Variants in GIPC1 observed in about 807,000 individuals in gnomAD.
GIPC1 encodes PDZ domain-containing protein GIPC1.
A neutral mutation model predicts 28.5 loss-of-function variants in GIPC1; 15 were observed. That is an observed-to-expected ratio of 0.53 (90% confidence interval 0.35 to 0.81). The LOEUF is 0.81. Ranked by LOEUF, GIPC1 falls within the 30% of genes least tolerant of loss-of-function variation. The pLI, the probability that GIPC1 is intolerant of heterozygous loss-of-function variation, is 0.01. For missense variants in GIPC1, 439 were observed against 481.9 expected (o/e 0.91, Z 0.83); for synonymous variants, 224 against 206.1 (o/e 1.09, Z -0.74).
chr19:14,493,340 A>C (rs189505670), intron 1 of GIPC1, among the ~76,000 whole-genome samples: 22 of 152,340 alleles, frequency 1.4e-4, no homozygotes, highest in East Asian at 1.3e-3. Context: ...GAAAAACTGC[A>C]ATCTCCTTAC....
At chr19:14,493,765 T>C (rs574876629) in intron 1 of GIPC1, among the ~76,000 whole-genome samples, 2 of 151,622 alleles carry the variant, frequency 1.3e-5, no homozygotes, top group Non-Finnish European at 2.9e-5. Flanking sequence ...GTTCAAGCGA[T>C]TCTCTCCTGC....
At chr19:14,480,058 G>A in intron 6 of GIPC1, 1 of 588,900 alleles carries the variant, frequency 1.7e-6, no homozygotes, top group South Asian at 2.0e-5. Context: ...AGGGCGCTTG[G>A]CTGGGCTAAT....
intron 1 of GIPC1, among the ~76,000 whole-genome samples, chr19:14,494,669 G>A (rs972517082): frequency 2.0e-5 from 3 of 152,156 alleles, no homozygotes; most frequent in Admixed American, 2.0e-4. Context: ...CTGAGTGAAT[G>A]AATGTGTCTC....
At position 14,480,464 on chromosome 19, in the gene GIPC1, T is replaced by C. The variant is rs2071702344; in HGVS notation, c.496A>G (p.Ile166Val). 6.2e-7 allele frequency: 1 copy of C among 1,612,878 alleles called. No homozygotes were observed. The highest frequency in any genetic ancestry group is 8.5e-7 in the Non-Finnish European group (1 of 1,179,364). Residue 166 changes from isoleucine to valine, a missense_variant, in exon 6 of 9, where the codon ATC (isoleucine) becomes GTC (valine). Physicochemically the swap from Ile to Val is conservative, Grantham distance 29. Coordinates refer to ENST00000393033, the MANE Select transcript of GIPC1 (RefSeq NM_005716.4). Reference sequence around the variant, plus strand: ...ACGCTGATGAGGTGGATGTGGTCGATCACGCTGCCCTCCTTGATGCGCTGC... The same window carrying C: ...ACGCTGATGAGGTGGATGTGGTCGACCACGCTGCCCTCCTTGATGCGCTGC... ...FIKRIKEGSVIDHIHLISVGD... is the reference protein window; with the variant it reads ...FIKRIKEGSVVDHIHLISVGD...
chr19:14,480,422 C>T lies in GIPC1; in HGVS notation c.538G>A (p.Ala180Thr), dbSNP rs757549449. 2 of 1,613,698 alleles carry T rather than the reference C, an allele frequency of 1.2e-6. No homozygotes were observed. Among genetic ancestry groups the T allele is most frequent in the Non-Finnish European group, 1.7e-6 (2 of 1,179,912 alleles). ...CCCAGCAGGCTCTGCCCGTTAATGG[C>T]CTCGATCATGTCGCCCACGCTGATG... ...HLISVGDMIE[A>T]INGQSLLGCR... Residue 180 changes from alanine (A) to threonine (T), a missense_variant, in exon 6 of 9, where the codon GCC (alanine) becomes ACC (threonine). Coordinates refer to ENST00000393033, the MANE Select transcript of GIPC1 (RefSeq NM_005716.4).
At chr19:14,485,315 T>C (rs1007114656) in intron 3 of GIPC1, among the ~76,000 whole-genome samples, 50 of 151,686 alleles carry the variant, frequency 3.3e-4, no homozygotes, top group Non-Finnish European at 5.7e-4. Flanking sequence ...CCCAAGTGGC[T>C]AGAACTACAG....
chr19:14,486,627 T>C (rs371260315), intron 3 of GIPC1, among the ~76,000 whole-genome samples: 24 of 152,118 alleles, frequency 1.6e-4, no homozygotes, highest in Non-Finnish European at 2.9e-5. Context: ...AGCAAATCTT[T>C]GCTGAATTCA....
In GIPC1 at chr19:14,480,288, AGG is replaced by A; in HGVS notation, c.655+15_655+16del. 6.2e-7 allele frequency: 1 copy of A among 1,603,472 alleles called. No homozygotes were observed. Among genetic ancestry groups the A allele is most frequent in the Non-Finnish European group, 8.5e-7 (1 of 1,174,330 alleles). ...GCGAGCAGCGCCACTGGGGAGGTCC[AGG>A]GGGCGGCTCCTCACCGAAGGCCTTG... On this transcript the variant is annotated intron_variant, in intron 6 of 8. Coordinates refer to ENST00000393033, the MANE Select transcript of GIPC1 (RefSeq NM_005716.4).
intron 2 of GIPC1, among the ~76,000 whole-genome samples, chr19:14,492,184 T>G (rs775119222): frequency 6.6e-6 from 1 of 152,216 alleles, no homozygotes; most frequent in Non-Finnish European, 1.5e-5. Context: ...TCTTAATAGC[T>G]GTGTGACTTT....
At position 14,477,782 on chromosome 19, in the gene GIPC1, T is replaced by C. The variant is rs996660715; in HGVS notation, c.*634A>G. The C allele has an allele frequency of 6.6e-6, 1 of 152,588 alleles. No individual in the cohort carries two copies. The highest frequency in any genetic ancestry group is 6.5e-5 in the Admixed American group (1 of 15,284). The allele number at this position is 152,588 out of a possible 1,614,324, so 9.5% of individuals were successfully genotyped here. A position where few individuals can be genotyped will look rare whatever the true frequency, so the allele number is the denominator to read the frequency against. ...GGTCCAACAGCAGATAGATTCTTTA[T>C]GTTCAAGACAGCAAATTCAGATACA... On this transcript the variant is annotated 3_prime_UTR_variant, in exon 9 of 9. Transcript: ENST00000393033.
chr19:14,492,825 G>C (rs974954449), intron 2 of GIPC1, 32 bp downstream of exon 2: 1 of 152,318 alleles, frequency 6.6e-6, no homozygotes, highest in Non-Finnish European at 1.5e-5. Flanking sequence ...AGGCTTCGTG[G>C]CCTGGGTTCA....
At chr19:14,489,169 C>T (rs1018872069) in intron 3 of GIPC1, among the ~76,000 whole-genome samples, 10 of 152,114 alleles carry the variant, frequency 6.6e-5, no homozygotes, top group African/African-American at 2.2e-4. Flanking sequence ...GCAATCCTCC[C>T]GCCTTGGCCT....
chr19:14,482,172 G>A (rs1251293008), intron 4 of GIPC1: 9 of 172,048 alleles, frequency 5.2e-5, no homozygotes, highest in East Asian at 1.8e-4. Flanking sequence ...GCCTCCCAAC[G>A]CCTGATGGGA....
Position 14,482,221 on chromosome 19 carries a change from G to A in GIPC1, c.288+468C>T, listed in dbSNP as rs2071743876. On this transcript the variant is annotated intron_variant, in intron 4 of 8. Coordinates refer to ENST00000393033, the MANE Select transcript of GIPC1 (RefSeq NM_005716.4). The stretch of plus-strand genomic sequence containing the variant: ...CCCTGGTCGTCAGTTTTGCACAATC[G>A]ACTGGGATGCAGGCCTCTCAATCCA... 7 of 187,764 alleles carry A rather than the reference G, an allele frequency of 3.7e-5. No homozygotes were observed. In the South Asian group the frequency reaches 4.3e-4, roughly 11 times the overall value. 11.6% of individuals were successfully genotyped at this position (187,764 alleles called of 1,614,324 possible).
At chr19:14,485,734 G>GAC (rs1334892206) in intron 3 of GIPC1, among the ~76,000 whole-genome samples, 92 of 145,164 alleles carry the variant, frequency 6.3e-4, no homozygotes, top group African/African-American at 2.0e-3. Context: ...GAGAGAGAGA[G>GAC]AGAGAGACAG....
chr19:14,480,424 T>C lies in GIPC1; in HGVS notation c.536A>G (p.Glu179Gly). 1 of 1,613,822 alleles carries C rather than the reference T, an allele frequency of 6.2e-7. No homozygotes were observed. The highest frequency in any genetic ancestry group is 8.5e-7 in the Non-Finnish European group (1 of 1,179,888). The change falls in exon 6 of 9, where the codon GAG becomes GGG. Residue 179 changes from glutamate to glycine, a missense_variant. Coordinates refer to ENST00000393033, the MANE Select transcript of GIPC1 (RefSeq NM_005716.4). ...CAGCAGGCTCTGCCCGTTAATGGCC[T>C]CGATCATGTCGCCCACGCTGATGAG... Reference protein sequence around the residue: ...IHLISVGDMIEAINGQSLLGC... With the variant: ...IHLISVGDMIGAINGQSLLGC...
chr19:14,480,421 G>A lies in GIPC1; in HGVS notation c.539C>T (p.Ala180Val). The A allele has an allele frequency of 6.2e-7, 1 of 1,613,752 alleles. No individual in the cohort carries two copies. The change falls in exon 6 of 9, where the codon GCC (alanine) becomes GTC (valine). Residue 180 changes from alanine to valine, a missense_variant. Ala to Val is a moderately conservative substitution (Grantham distance 64). Coordinates refer to ENST00000393033, the MANE Select transcript of GIPC1 (RefSeq NM_005716.4). ...HLISVGDMIE[A>V]INGQSLLGCR... ...GCCCAGCAGGCTCTGCCCGTTAATG[G>A]CCTCGATCATGTCGCCCACGCTGAT...
rs1456921053 is a variant in GIPC1 at position 14,482,707 on chromosome 19, G to A, written c.270C>T (p.Phe90=). The part of the protein sequence containing the change: ...KELYGKIAEA[F]RLPTAEVMFC... ...TGGATACCTCGGCAGTTGGCAGGCG[G>A]AAGGCCTCGGCGATCTTGCCATACA... Residue 90 remains phenylalanine, a synonymous_variant, in exon 4 of 9, where the codon TTC becomes TTT. Transcript: ENST00000393033. The A allele has an allele frequency of 6.2e-7, 1 of 1,611,456 alleles. No homozygotes were observed. The highest frequency in any genetic ancestry group is 1.1e-5 in the South Asian group (1 of 90,954).
At chr19:14,490,974 CAAAAA>C (rs111731833) in intron 3 of GIPC1, among the ~76,000 whole-genome samples, 1 of 113,070 alleles carries the variant, frequency 8.8e-6, no homozygotes. Flanking sequence ...GACTCCATCT[CAAAAA>C]AAAAAAAAAA....
Sources: allele counts gnomAD v4.1 joint callset (sites outside exome capture counted in the v4.1 genomes callset), GRCh38; gene constraint gnomAD v4.1.1; transcripts MANE v1.5; gene names NCBI Gene and HGNC (gene_info 2026-07-23, HGNC 2026-07-21).